CD47: variants seen among roughly 807,000 people sequenced by gnomAD.
The protein encoded by CD47 is CD47 molecule.
CD47 carries 11 observed loss-of-function variants against 44.6 expected under a neutral mutation model. That is an observed-to-expected ratio of 0.25 (90% confidence interval 0.16 to 0.41). The LOEUF is 0.41. Among genes scored for constraint, CD47 ranks in the 10% least tolerant of loss-of-function variants. CD47 has a pLI of 1.00. For synonymous variants in CD47, 140 were observed against 136.3 expected (o/e 1.03, Z -0.19); for missense variants, 306 against 386.7 (o/e 0.79, Z 1.75).
chr3:108,048,683 C>T (rs1034311875), intron 10 of CD47, among the ~76,000 whole-genome samples: 16 of 151,648 alleles, frequency 1.1e-4, no homozygotes, highest in Non-Finnish European at 1.9e-4. Flanking sequence ...CGCGCCCGGC[C>T]GACTGGAGTG....
chr3:108,062,642 CTTTTTTTTTTT>C (rs774152967), intron 3 of CD47, among the ~76,000 whole-genome samples: 1,581 of 138,102 alleles, frequency 0.011, 25 homozygotes, highest in African/African-American at 0.039. Flanking sequence ...TTTTTCTTTT[CTTTTTTTTTTT>C]TTTTGGAGAC....
intron 1 of CD47, among the ~76,000 whole-genome samples, chr3:108,089,836 G>C (rs1211077474): frequency 6.6e-6 from 1 of 152,162 alleles, no homozygotes; most frequent in Non-Finnish European, 1.5e-5. Context: ...GCTGTCACTG[G>C]TGCTCAAGCT....
intron 1 of CD47, among the ~76,000 whole-genome samples, chr3:108,080,793 T>C (rs931223801): frequency 6.6e-6 from 1 of 151,918 alleles, no homozygotes; most frequent in Non-Finnish European, 1.5e-5. Flanking sequence ...TAGAACTTGC[T>C]GAACTGATAT....
chr3:108,089,928 T>C (rs2079595743), intron 1 of CD47, among the ~76,000 whole-genome samples: 1 of 151,382 alleles, frequency 6.6e-6, no homozygotes, highest in Admixed American at 6.6e-5. Context: ...CTACGAATGT[T>C]TCTATTCCTT....
rs1178528640 is a variant in CD47, at chr3:108,047,272, C to T, written c.*16G>A. The T allele has an allele frequency of 6.2e-7, 1 of 1,602,890 alleles. No homozygotes were observed. Among genetic ancestry groups the T allele is most frequent in the African/African-American group, 1.3e-5 (1 of 74,708 alleles). Reference sequence around the variant, plus strand: ...TCTTACTACTCTCCAAATCGGAGTCCATCACTTCACTTCAGTTATTCTGGA... The same window carrying T: ...TCTTACTACTCTCCAAATCGGAGTCTATCACTTCACTTCAGTTATTCTGGA... On this transcript the variant is annotated 3_prime_UTR_variant, in exon 11 of 11. Coordinates refer to ENST00000361309, the MANE Select transcript of CD47 (RefSeq NM_001777.4).
At chr3:108,059,643 TAC>T (rs1165735888) in intron 4 of CD47, 99 bp from the exon 5 acceptor site, 3 of 520,974 alleles carry the variant, frequency 5.8e-6, no homozygotes, top group Non-Finnish European at 9.7e-6. Context: ...TTTAAAAATA[TAC>T]GTTTCCCTGA....
intron 1 of CD47, among the ~76,000 whole-genome samples, chr3:108,083,464 T>C (rs1217803431): frequency 1.3e-5 from 2 of 152,052 alleles, no homozygotes; most frequent in East Asian, 1.9e-4. Context: ...TGATAGGATG[T>C]GGGGATATAG....
chr3:108,055,456 T>C, intron 7 of CD47: 2 of 921,080 alleles, frequency 2.2e-6, no homozygotes, highest in African/African-American at 3.4e-5. Flanking sequence ...TCAGATTATA[T>C]AAGCAAACCA....
chr3:108,057,362 T>C, intron 7 of CD47, 115 bp downstream of exon 7: 1 of 591,616 alleles, frequency 1.7e-6, no homozygotes, highest in South Asian at 1.9e-5. Context: ...CTCGAATCAC[T>C]CCAATTGTAT....
At chr3:108,071,793 A>G (rs1444901105) in intron 2 of CD47, among the ~76,000 whole-genome samples, 1 of 152,232 alleles carries the variant, frequency 6.6e-6, no homozygotes, top group African/African-American at 2.4e-5. Context: ...AGACAGACTC[A>G]GGGAACCTAA....
rs185827275 is a variant in CD47 at position 108,078,207 on chromosome 3, T to C, written c.400+1784A>G. Among the ~76,000 whole-genome samples the C allele has an allele frequency of 3.2e-3, 480 of 152,238 alleles. 3 individuals carry two copies. The highest frequency in any genetic ancestry group is 5.5e-3 in the Non-Finnish European group (374 of 67,970). On this transcript the variant is annotated intron_variant, in intron 2 of 10. Transcript: ENST00000361309. Reference sequence around the variant, plus strand: ...AAAGCCAAATGTCTCAAACCTCTGGTAGAATTTTCTACATTCTCTATAATA... The same window carrying C: ...AAAGCCAAATGTCTCAAACCTCTGGCAGAATTTTCTACATTCTCTATAATA...
chr3:108,076,996 G>A (rs1257184106), intron 2 of CD47, among the ~76,000 whole-genome samples: 1 of 152,090 alleles, frequency 6.6e-6, no homozygotes, highest in Non-Finnish European at 1.5e-5. Context: ...TTCAAGTCCA[G>A]TGCTCCTTCT....
chr3:108,073,707 G>A (rs572433957), intron 2 of CD47, among the ~76,000 whole-genome samples: 230 of 152,286 alleles, frequency 1.5e-3, no homozygotes, highest in African/African-American at 5.2e-3. Flanking sequence ...AATGACAAGC[G>A]GCTGGAAGGC....
chr3:108,061,708 G>A (rs2079018659), intron 3 of CD47, among the ~76,000 whole-genome samples: 1 of 152,128 alleles, frequency 6.6e-6, no homozygotes, highest in Non-Finnish European at 1.5e-5. Context: ...TATTGAAGTT[G>A]ATTTTTTCAC....
chr3:108,070,342 C>T (rs1237630011), intron 3 of CD47, among the ~76,000 whole-genome samples: 1 of 152,118 alleles, frequency 6.6e-6, no homozygotes, highest in Non-Finnish European at 1.5e-5. Flanking sequence ...ATTTAAAAAG[C>T]TTAAAAGTTT....
intron 2 of CD47, among the ~76,000 whole-genome samples, chr3:108,078,094 G>A (rs952095240): frequency 6.6e-6 from 1 of 151,996 alleles, no homozygotes; most frequent in East Asian, 1.9e-4. Context: ...GAAACCATTG[G>A]GGGGACTGGG....
chr3:108,087,274 C>T lies in CD47; in HGVS notation c.46+3589G>A, dbSNP rs1322785782. 5.3e-5 allele frequency among the ~76,000 whole-genome samples: 8 copies of T among 152,196 alleles called. No individual in the cohort carries two copies. In the East Asian group the frequency reaches 1.5e-3, roughly 29 times the overall value. ...TGAAGTCAGATCTCTCCTCAATGGA[C>T]ACTAAAATAAAGGTCTGGGGTAGAG... On this transcript the variant is annotated intron_variant, in intron 1 of 10. Transcript: ENST00000361309.
chr3:108,080,261 T>C lies in CD47; in HGVS notation c.130A>G (p.Thr44Ala), dbSNP rs765354769. 6 of 1,611,534 alleles carry C rather than the reference T, an allele frequency of 3.7e-6. No individual in the cohort carries two copies. In the East Asian group the frequency reaches 1.3e-4, roughly 36 times the overall value. The change falls in exon 2 of 11, where the codon ACT (threonine) becomes GCT (alanine). Residue 44 changes from threonine (T) to alanine (A), a missense_variant. Thr to Ala is a moderately conservative substitution (Grantham distance 58). Transcript: ENST00000361309. ...NDTVVIPCFV[T>A]NMEAQNTTEV... Reference sequence around the variant, plus strand: ...GTAGTGTTTTGTGCCTCCATATTAGTAACAAAGCATGGAATGACGACAGTG... The same window carrying C: ...GTAGTGTTTTGTGCCTCCATATTAGCAACAAAGCATGGAATGACGACAGTG...
chr3:108,052,105 C>T (rs1419332173), intron 7 of CD47, 135 bp from the exon 8 acceptor site: 6 of 541,696 alleles, frequency 1.1e-5, no homozygotes, highest in East Asian at 3.2e-5. Context: ...AGAGTTCCAG[C>T]TCTGACAGTC....
Sources: gnomAD v4.1 joint callset for allele counts (sites outside exome capture counted in the v4.1 genomes callset) on GRCh38, gnomAD v4.1.1 for gene constraint, MANE v1.5 for transcripts, NCBI Gene and HGNC (gene_info 2026-07-23, HGNC 2026-07-21) for gene names.